Variants in PTPRD observed in about 807,000 individuals in gnomAD.
PTPRD encodes the protein protein tyrosine phosphatase receptor type D.
PTPRD carries 34 observed loss-of-function variants against 214.5 expected under a neutral mutation model. The ratio of observed to expected loss-of-function variants is 0.16; its 90% CI spans 0.12 to 0.21. The LOEUF is 0.21. PTPRD is among the 10% of genes least tolerant of loss of function. PTPRD has a pLI of 1.00. For missense variants in PTPRD, 2,545 were observed against 2,398.7 expected (o/e 1.06, Z -1.27); for synonymous variants, 1,128 against 845.7 (o/e 1.33, Z -5.79).
chr9:8,797,256 G>A (rs1016965021), intron 11 of PTPRD: 13 of 152,106 alleles, frequency 8.5e-5, no homozygotes, highest in Admixed American at 7.9e-4. Context: ...ATCCTAATAC[G>A]ATTGCCTTAT....
At chr9:8,523,586 G>A in intron 18 of PTPRD, 62 bp from the exon 19 acceptor site, 1 of 1,585,620 alleles carries the variant, frequency 6.3e-7, no homozygotes, top group Non-Finnish European at 8.6e-7. Context: ...AAAAACAAGG[G>A]AAACACAGAG....
chr9:8,428,909 A>G (rs1193710931), intron 35 of PTPRD, among the ~76,000 whole-genome samples: 1 of 152,226 alleles, frequency 6.6e-6, no homozygotes, highest in African/African-American at 2.4e-5. Flanking sequence ...AAATATACCA[A>G]GAGTCTTTTC....
At chr9:10,401,385 C>G (rs866707570) in intron 2 of PTPRD, among the ~76,000 whole-genome samples, 4 of 151,376 alleles carry the variant, frequency 2.6e-5, no homozygotes, top group African/African-American at 9.7e-5. Context: ...AAAAAGGAGT[C>G]TCTTGGGAGA....
intron 3 of PTPRD, among the ~76,000 whole-genome samples, chr9:10,142,267 G>A (rs2154268163): frequency 6.6e-6 from 1 of 151,284 alleles, no homozygotes; most frequent in East Asian, 1.9e-4. Context: ...AGCCAAAATT[G>A]ACAAATGGGA....
intron 3 of PTPRD, among the ~76,000 whole-genome samples, chr9:10,147,849 C>G (rs151020898): frequency 2.0e-5 from 3 of 152,228 alleles, no homozygotes; most frequent in African/African-American, 7.2e-5. Flanking sequence ...CACTGCACTC[C>G]AGCCTGGGCA....
At chr9:8,668,197 G>C (rs1486873063) in intron 12 of PTPRD, among the ~76,000 whole-genome samples, 1 of 152,062 alleles carries the variant, frequency 6.6e-6, no homozygotes, top group Non-Finnish European at 1.5e-5. Flanking sequence ...ACAGTGTCAT[G>C]CTACCTAAAG....
rs1555449734 is a variant in PTPRD at position 10,509,470 on chromosome 9, C to CTATCTATCTATCT, written c.-600+102927_-600+102928insAGATAGATAGATA. On this transcript the variant is annotated intron_variant, in intron 2 of 45. Coordinates refer to ENST00000381196, the MANE Select transcript of PTPRD (RefSeq NM_002839.4). ...GGCTCCTGTGCCCTTTTGATTGATC[C>CTATCTATCTATCT]ATCTATCTATCTATCTATCTATCTA... Among the ~76,000 whole-genome samples, 14 of 138,148 alleles carry CTATCTATCTATCT rather than the reference C, an allele frequency of 1.0e-4. 1 individual carries two copies. The highest frequency in any genetic ancestry group is 2.8e-4 in the African/African-American group (10 of 35,454). The allele number at this position is 138,148 out of a possible 152,430, so 90.6% of individuals were successfully genotyped here.
At chr9:8,978,554 T>C (rs2099282045) in intron 11 of PTPRD, among the ~76,000 whole-genome samples, 1 of 152,122 alleles carries the variant, frequency 6.6e-6, no homozygotes, top group Non-Finnish European at 1.5e-5. Flanking sequence ...CTATCAGAGT[T>C]AGCTGGTGAA....
At chr9:9,588,503 G>A (rs151208168) in intron 7 of PTPRD, among the ~76,000 whole-genome samples, 1 of 151,928 alleles carries the variant, frequency 6.6e-6, no homozygotes, top group African/African-American at 2.4e-5. Flanking sequence ...ACTTTGGGAG[G>A]GGATTTTCTA....
At chr9:8,541,855 G>C (rs2078521615) in intron 14 of PTPRD, among the ~76,000 whole-genome samples, 1 of 152,064 alleles carries the variant, frequency 6.6e-6, no homozygotes. Flanking sequence ...ACACAGGATA[G>C]AAATTTATTC....
chr9:8,541,767 G>C (rs539951394), intron 14 of PTPRD, among the ~76,000 whole-genome samples: 12 of 152,226 alleles, frequency 7.9e-5, no homozygotes, highest in Middle Eastern at 3.4e-3. Context: ...GCCCAAAGAA[G>C]TTTACAACTA....
At chr9:10,376,850 T>C (rs2097738095) in intron 2 of PTPRD, among the ~76,000 whole-genome samples, 1 of 151,974 alleles carries the variant, frequency 6.6e-6, no homozygotes, top group Non-Finnish European at 1.5e-5. Context: ...AATAGTCGCA[T>C]CATGTAAAAT....
intron 10 of PTPRD, among the ~76,000 whole-genome samples, chr9:9,156,630 T>C (rs922894473): frequency 3.3e-5 from 5 of 152,110 alleles, no homozygotes; most frequent in African/African-American, 1.2e-4. Flanking sequence ...ATTTCAATGA[T>C]TCACAGCGGC....
In PTPRD at chr9:8,523,537, G is replaced by C; in HGVS notation, c.680-13C>G. On this transcript the variant is annotated splice_polypyrimidine_tract_variant and intron_variant, in intron 18 of 45. Coordinates refer to ENST00000381196, the MANE Select transcript of PTPRD (RefSeq NM_002839.4). ...CCTTCTCGCAGCTCTGAGGGATGTA[G>C]GGGGTTTGATGCAGAACACAATGAA... 1 of 1,613,092 alleles carries C rather than the reference G, an allele frequency of 6.2e-7. No individual in the cohort carries two copies. The highest frequency in any genetic ancestry group is 8.5e-7 in the Non-Finnish European group (1 of 1,179,396).
intron 28 of PTPRD, 163 bp downstream of exon 28, chr9:8,485,599 T>C (rs2135887385): frequency 1.4e-6 from 1 of 697,504 alleles, no homozygotes; most frequent in East Asian, 2.7e-5. Context: ...ATAACTGAAA[T>C]CTAAGGCATC....
At chr9:10,107,325 G>C (rs915675469) in intron 3 of PTPRD, among the ~76,000 whole-genome samples, 3 of 151,894 alleles carry the variant, frequency 2.0e-5, no homozygotes, top group Admixed American at 1.3e-4. Flanking sequence ...AAGAGGAGGC[G>C]CCAACAAAAA....
At chr9:10,418,638 C>T (rs1406259060) in intron 2 of PTPRD, among the ~76,000 whole-genome samples, 3 of 151,812 alleles carry the variant, frequency 2.0e-5, no homozygotes, top group Non-Finnish European at 4.4e-5. Flanking sequence ...GAATATTCAG[C>T]AATATAATAA....
intron 37 of PTPRD, 112 bp downstream of exon 37, chr9:8,389,120 G>A: frequency 1.1e-6 from 1 of 870,216 alleles, no homozygotes. Context: ...ATTAGTATCT[G>A]TTAGAAAGAT....
At chr9:8,476,960 G>C (rs546109767) in intron 30 of PTPRD, among the ~76,000 whole-genome samples, 2 of 151,986 alleles carry the variant, frequency 1.3e-5, no homozygotes, top group Admixed American at 6.6e-5. Context: ...TATTGCAAAC[G>C]TTCTTTTCTT....
Sources: gnomAD v4.1 joint callset for allele counts (sites outside exome capture counted in the v4.1 genomes callset) on GRCh38, gnomAD v4.1.1 for gene constraint, MANE v1.5 for transcripts, NCBI Gene and HGNC (gene_info 2026-07-23, HGNC 2026-07-21) for gene names.